The following MEIS2 variants were observed in gnomAD, a reference collection of about 807,000 sequenced individuals.
MEIS2 encodes the protein homeobox protein Meis2.
MEIS2 carries 9 observed loss-of-function variants against 58.6 expected under a neutral mutation model. The ratio of observed to expected loss-of-function variants is 0.15; its 90% confidence interval spans 0.09 to 0.27. The LOEUF (loss-of-function observed/expected upper bound fraction) is 0.27, where lower values mean the gene tolerates loss of function less well. MEIS2 is among the 10% of genes least tolerant of loss of function. The pLI is 1.00. For missense variants in MEIS2, 427 were observed against 635.0 expected (o/e 0.67, Z 3.52); for synonymous variants, 221 against 228.4 (o/e 0.97, Z 0.29).
intron 9 of MEIS2, among the ~76,000 whole-genome samples, chr15:36,911,903 G>C (rs1008874629): frequency 5.9e-5 from 9 of 152,158 alleles, no homozygotes; most frequent in Non-Finnish European, 1.3e-4. Flanking sequence ...AAAATGATGG[G>C]GGTGAAAGTC....
chr15:36,955,417 C>G (rs539487615), intron 8 of MEIS2, among the ~76,000 whole-genome samples: 1 of 152,204 alleles, frequency 6.6e-6, no homozygotes, highest in South Asian at 2.1e-4. Flanking sequence ...ATTTCTCCCC[C>G]ATTCTTTCTC....
At chr15:37,095,413 G>T in intron 4 of MEIS2, 151 bp downstream of exon 4, 1 of 1,179,456 alleles carries the variant, frequency 8.5e-7, no homozygotes, top group Non-Finnish European at 1.2e-6. Flanking sequence ...GCTCCCGTGC[G>T]GGGGCTCTAA....
intron 8 of MEIS2, among the ~76,000 whole-genome samples, chr15:36,981,854 C>T (rs1241234625): frequency 6.6e-6 from 1 of 152,084 alleles, no homozygotes; most frequent in African/African-American, 2.4e-5. Flanking sequence ...ATTCTCCATT[C>T]TTGAGCTGGG....
chr15:36,924,764 T>G (rs1194574026), intron 9 of MEIS2, among the ~76,000 whole-genome samples: 2 of 152,216 alleles, frequency 1.3e-5, no homozygotes, highest in Non-Finnish European at 2.9e-5. Flanking sequence ...CGGGTCAGTC[T>G]CAACTCCAAA....
intron 9 of MEIS2, among the ~76,000 whole-genome samples, chr15:36,937,160 A>G (rs1275491541): frequency 2.0e-5 from 3 of 152,216 alleles, no homozygotes; most frequent in African/African-American, 7.2e-5. Context: ...ACTGATTTAT[A>G]TATTTAAATA....
chr15:37,033,402 A>G (rs2062010288), intron 8 of MEIS2, among the ~76,000 whole-genome samples: 1 of 152,220 alleles, frequency 6.6e-6, no homozygotes, highest in African/African-American at 2.4e-5. Flanking sequence ...GATGCAAAAT[A>G]CATTTGCTTA....
At chr15:36,927,368 C>T (rs1669264061) in intron 9 of MEIS2, among the ~76,000 whole-genome samples, 2 of 151,446 alleles carry the variant, frequency 1.3e-5, no homozygotes, top group South Asian at 4.2e-4. Context: ...AGGTAGAGAA[C>T]CTGGAAAAAA....
chr15:37,037,294 C>A (rs2062196010), intron 7 of MEIS2, among the ~76,000 whole-genome samples: 1 of 152,138 alleles, frequency 6.6e-6, no homozygotes, highest in African/African-American at 2.4e-5. Flanking sequence ...CATCCCCATG[C>A]CCAGAGTGAA....
chr15:36,923,144 AT>A (rs1361184709), intron 9 of MEIS2, among the ~76,000 whole-genome samples: 2 of 152,190 alleles, frequency 1.3e-5, no homozygotes, highest in Non-Finnish European at 2.9e-5. Flanking sequence ...ACAATACAAA[AT>A]GCGCTTAATT....
chr15:37,057,302 A>G (rs1271976979), intron 7 of MEIS2, among the ~76,000 whole-genome samples: 1 of 152,202 alleles, frequency 6.6e-6, no homozygotes, highest in Non-Finnish European at 1.5e-5. Flanking sequence ...AAAACTTCCT[A>G]CAATTCCACC....
At chr15:37,038,501 C>T (rs555296051) in intron 7 of MEIS2, among the ~76,000 whole-genome samples, 1 of 152,322 alleles carries the variant, frequency 6.6e-6, no homozygotes, top group South Asian at 2.1e-4. Context: ...CACTGCAATG[C>T]GATACCCTCC....
chr15:36,916,832 C>T (rs562837728), intron 9 of MEIS2, among the ~76,000 whole-genome samples: 1 of 152,300 alleles, frequency 6.6e-6, no homozygotes, highest in African/African-American at 2.4e-5. Flanking sequence ...AAACTGAATG[C>T]ATACATGTAT....
chr15:37,032,621 A>G (rs770772493), intron 8 of MEIS2, among the ~76,000 whole-genome samples: 9 of 152,164 alleles, frequency 5.9e-5, no homozygotes, highest in Non-Finnish European at 1.0e-4. Flanking sequence ...TTCAATCATC[A>G]CTGGATTTCT....
intron 8 of MEIS2, among the ~76,000 whole-genome samples, chr15:36,953,489 G>T (rs2058836372): frequency 6.6e-6 from 1 of 152,140 alleles, no homozygotes. Context: ...ACTGTTGGGG[G>T]CCAACCCACT....
chr15:36,974,172 CATTCTAT>C (rs1224074622), intron 8 of MEIS2, among the ~76,000 whole-genome samples: 1 of 152,168 alleles, frequency 6.6e-6, no homozygotes, highest in African/African-American at 2.4e-5. Context: ...TATTTCAGAA[CATTCTAT>C]ATCAGGGCTG....
chr15:36,971,536 TTAAAAAAAAA>T (rs1315187644), intron 8 of MEIS2, among the ~76,000 whole-genome samples: 6 of 65,422 alleles, frequency 9.2e-5, no homozygotes, highest in East Asian at 3.8e-4. Context: ...CCTTGTTACA[TTAAAAAAAAA>T]AAAAAAAAAA....
chr15:36,981,724 G>T (rs1405509117), intron 8 of MEIS2, among the ~76,000 whole-genome samples: 1 of 151,996 alleles, frequency 6.6e-6, no homozygotes, highest in Non-Finnish European at 1.5e-5. Context: ...TGGTTGTAAG[G>T]GTAGACATTA....
At chr15:37,047,836 A>G (rs1030194917) in intron 7 of MEIS2, among the ~76,000 whole-genome samples, 1 of 152,232 alleles carries the variant, frequency 6.6e-6, no homozygotes, top group African/African-American at 2.4e-5. Flanking sequence ...GCTAGAGGAA[A>G]ACATTATTAA....
chr15:36,913,637 C>A (rs1188425241), intron 9 of MEIS2, among the ~76,000 whole-genome samples: 1 of 152,124 alleles, frequency 6.6e-6, no homozygotes. Flanking sequence ...AATATGCCTA[C>A]ATGCACATAC....
Sources: gnomAD v4.1 joint callset for allele counts (sites outside exome capture counted in the v4.1 genomes callset) on GRCh38, gnomAD v4.1.1 for gene constraint, MANE v1.5 for transcripts, NCBI Gene and HGNC (gene_info 2026-07-23, HGNC 2026-07-21) for gene names.